Variants in COL6A6 observed in about 807,000 individuals in gnomAD.
COL6A6 encodes the protein collagen type VI alpha 6 chain.
A neutral mutation model predicts 208.6 loss-of-function variants in COL6A6; 183 were observed. The observed-to-expected ratio is 0.88, with a 90% CI of 0.78 to 0.99. COL6A6 has a LOEUF of 0.99. Ranked by LOEUF, COL6A6 falls within the 50% of genes least tolerant of loss-of-function variation. The pLI is 0.00. For missense variants in COL6A6, 2,816 were observed against 2,815.2 expected (o/e 1.00, Z -0.01); for synonymous variants, 973 against 1,011.8 (o/e 0.96, Z 0.73).
chr3:130,604,813 A>G (rs1483729899), intron 20 of COL6A6, among the ~76,000 whole-genome samples: 1 of 152,232 alleles, frequency 6.6e-6, no homozygotes, highest in Admixed American at 6.5e-5. Context: ...CCAGAGGTAG[A>G]TTTTTGAAAA....
chr3:130,606,304 G>C (rs1263117060), intron 20 of COL6A6, among the ~76,000 whole-genome samples: 2 of 152,200 alleles, frequency 1.3e-5, no homozygotes, highest in African/African-American at 4.8e-5. Context: ...ATATGACAGT[G>C]GCAGGAAAAC....
rs960772613 is a variant in COL6A6, at chr3:130,572,659, A to G, written c.2977+1266A>G. Among the ~76,000 whole-genome samples the G allele has an allele frequency of 2.0e-5, 3 of 152,228 alleles. No individual in the cohort carries two copies. The South Asian group carries it at 6.2e-4, about 31-fold the overall frequency. On this transcript the variant is annotated intron_variant, in intron 7 of 36. Transcript: ENST00000358511. ...CTTCTCCAGTTCACTGTAGAAGTTG[A>G]CATTGCATTTTCATATTGAAAATTC...
At chr3:130,581,385 T>G (rs2108000399) in intron 8 of COL6A6, among the ~76,000 whole-genome samples, 176 bp from the exon 9 acceptor site, 1 of 152,344 alleles carries the variant, frequency 6.6e-6, no homozygotes, top group Admixed American at 6.5e-5. Context: ...CCTTACACTT[T>G]TACAGGTTAG....
chr3:130,552,939 G>C (rs1208816160), intron 1 of COL6A6, among the ~76,000 whole-genome samples: 1 of 152,182 alleles, frequency 6.6e-6, no homozygotes, highest in Non-Finnish European at 1.5e-5. Flanking sequence ...TTCTTGGTTG[G>C]AAATTCTTTA....
At chr3:130,604,049 C>T (rs984376230) in intron 20 of COL6A6, among the ~76,000 whole-genome samples, 23 of 152,156 alleles carry the variant, frequency 1.5e-4, no homozygotes, top group African/African-American at 5.3e-4. Flanking sequence ...GTTGGGTAAA[C>T]CATTAAGATA....
chr3:130,517,103 G>T (rs1710774208), upstream of COL6A6, among the ~76,000 whole-genome samples: 1 of 152,294 alleles, frequency 6.6e-6, no homozygotes. Flanking sequence ...CTGGGCCCGG[G>T]GCCGCCGGGG....
Position 130,574,100 on chromosome 3 carries a change from C to G in COL6A6, c.3122C>G (p.Ala1041Gly), listed in dbSNP as rs779160637. ...AGCCTCAACAGAGTGCGAATAGGAGCGGCCCAGTTTAGCGATACCTATCAC... is the reference window on the plus strand; with the variant it reads ...AGCCTCAACAGAGTGCGAATAGGAGGGGCCCAGTTTAGCGATACCTATCAC... The part of the protein sequence containing the change: ...DVSLNRVRIG[A>G]AQFSDTYHPE... The change falls in exon 8 of 37, where the codon GCG becomes GGG. Residue 1041 changes from alanine to glycine, a missense_variant. Physicochemically the swap from Ala to Gly is moderately conservative, Grantham distance 60. Coordinates refer to ENST00000358511, the MANE Select transcript of COL6A6 (RefSeq NM_001102608.3). 8 of 1,613,922 alleles carry G rather than the reference C, an allele frequency of 5.0e-6. No homozygotes were observed. The African/African-American group carries it at 8.0e-5, about 16-fold the overall frequency.
Position 130,546,879 on chromosome 3 carries a change from C to T in COL6A6, c.-31-13455C>T, listed in dbSNP as rs188684282. Among the ~76,000 whole-genome samples the T allele has an allele frequency of 3.4e-3, 513 of 149,266 alleles. 7 individuals are homozygous for T. The South Asian group carries it at 0.042, about 12-fold the overall frequency. ...CCCACTAGATTAGCTAGACACAGAG[C>T]ACTGATTGGTGCATTTACAAACCTT... On this transcript the variant is annotated intron_variant, in intron 1 of 36. Coordinates refer to ENST00000358511, the MANE Select transcript of COL6A6 (RefSeq NM_001102608.3).
At chr3:130,668,065 G>T (rs1003461703) in intron 36 of COL6A6, among the ~76,000 whole-genome samples, 1 of 151,168 alleles carries the variant, frequency 6.6e-6, no homozygotes, top group African/African-American at 2.4e-5. Flanking sequence ...AAGACAAGCA[G>T]AAGGCACAAA....
intron 20 of COL6A6, among the ~76,000 whole-genome samples, chr3:130,602,004 G>C (rs4328782): frequency 6.6e-6 from 1 of 152,104 alleles, no homozygotes; most frequent in Admixed American, 6.5e-5. Context: ...ATTTTGAGTG[G>C]AGCAGGGAAT....
At chr3:130,670,078 A>G (rs1168258820) in intron 36 of COL6A6, among the ~76,000 whole-genome samples, 1 of 152,240 alleles carries the variant, frequency 6.6e-6, no homozygotes, top group Non-Finnish European at 1.5e-5. Context: ...TCCACCTGGA[A>G]TCTCTTGCTT....
chr3:130,607,529 A>G (rs2064220611), intron 21 of COL6A6, among the ~76,000 whole-genome samples: 2 of 152,228 alleles, frequency 1.3e-5, no homozygotes, highest in Admixed American at 1.3e-4. Context: ...CAATGAGGAT[A>G]AATAATCCAC....
At chr3:130,590,096 G>T (rs1201407026) in intron 12 of COL6A6, 1 of 403,754 alleles carries the variant, frequency 2.5e-6, no homozygotes, top group African/African-American at 2.1e-5. Context: ...AATAAACGGA[G>T]AATAATTCTA....
intron 21 of COL6A6, among the ~76,000 whole-genome samples, chr3:130,608,508 A>G (rs1235195547): frequency 1.3e-5 from 2 of 151,982 alleles, no homozygotes; most frequent in East Asian, 1.9e-4. Flanking sequence ...AATTGATTTG[A>G]ATATAAATAT....
At chr3:130,559,983 C>A (rs2062845110) in intron 1 of COL6A6, among the ~76,000 whole-genome samples, 1 of 152,030 alleles carries the variant, frequency 6.6e-6, no homozygotes, top group African/African-American at 2.4e-5. Flanking sequence ...TAACTGTGAA[C>A]CCTGAATTGT....
chr3:130,619,511 TAAG>T (rs1377450622), intron 23 of COL6A6, among the ~76,000 whole-genome samples: 2 of 152,244 alleles, frequency 1.3e-5, no homozygotes, highest in Non-Finnish European at 2.9e-5. Flanking sequence ...TTTTGCATAT[TAAG>T]AAGACCTTAA....
Position 130,563,324 on chromosome 3 carries a change from A to G in COL6A6, c.321A>G (p.Ile107Met). The change falls in exon 3 of 37, where the codon ATA (isoleucine) becomes ATG (methionine). Residue 107 changes from isoleucine (I) to methionine (M), a missense_variant. Physicochemically the swap from Ile to Met is conservative, Grantham distance 10. Transcript: ENST00000358511. ...NFGFIGGSLQ[I>M]GKALQEAHRT... The stretch of plus-strand genomic sequence containing the variant: ...GATTCATTGGCGGGTCCCTGCAGAT[A>G]GGAAAGGCTCTTCAGGAGGCTCACA... 1 of 1,613,988 alleles carries G rather than the reference A, an allele frequency of 6.2e-7. No homozygotes were observed. The highest frequency in any genetic ancestry group is 8.5e-7 in the Non-Finnish European group (1 of 1,179,874).
chr3:130,626,586 A>G (rs780998189), intron 25 of COL6A6, 39 bp downstream of exon 25: 37 of 1,444,322 alleles, frequency 2.6e-5, no homozygotes, highest in Non-Finnish European at 3.9e-6. Flanking sequence ...GATTCTTGGA[A>G]TCTTTTAGTT....
At position 130,649,298 on chromosome 3, in the gene COL6A6, A is replaced by C. The variant is rs768820015; in HGVS notation, c.5469A>C (p.Gln1823His). The C allele has an allele frequency of 4.4e-6, 7 of 1,606,244 alleles. No individual in the cohort carries two copies. The highest frequency in any genetic ancestry group is 5.9e-6 in the Non-Finnish European group (7 of 1,176,512). The change falls in exon 33 of 37, where the codon CAA becomes CAC. Residue 1823 changes from glutamine (Q) to histidine (H), a missense_variant. Coordinates refer to ENST00000358511, the MANE Select transcript of COL6A6 (RefSeq NM_001102608.3). ...TCTCAGACGCCTACAAGAAGAGTCA[A>C]CTTCTCAGAGAAATTGAAACTATTC... Reference protein sequence around the residue: ...VRFSDAYKKSQLLREIETIPY... With the variant: ...VRFSDAYKKSHLLREIETIPY...
Sources: allele counts gnomAD v4.1 joint callset (sites outside exome capture counted in the v4.1 genomes callset), GRCh38; gene constraint gnomAD v4.1.1; transcripts MANE v1.5; gene names NCBI Gene and HGNC (gene_info 2026-07-23, HGNC 2026-07-21).